Variants in MOB3B observed in about 807,000 individuals in gnomAD.
MOB3B encodes the protein MOB kinase activator-like 2B.
A neutral mutation model predicts 18.7 loss-of-function variants in MOB3B; 7 were observed. The ratio of observed to expected loss-of-function variants is 0.37; its 90% CI spans 0.21 to 0.70. MOB3B has a LOEUF of 0.70. Ranked by LOEUF, MOB3B falls within the 30% of genes least tolerant of loss-of-function variation. The pLI, the probability that MOB3B is intolerant of heterozygous loss-of-function variation, is 0.52. For missense variants in MOB3B, 253 were observed against 281.3 expected (o/e 0.90, Z 0.72); for synonymous variants, 111 against 99.9 (o/e 1.11, Z -0.66).
chr9:27,360,015 G>T (rs1281973095), intron 2 of MOB3B, among the ~76,000 whole-genome samples: 1 of 152,154 alleles, frequency 6.6e-6, no homozygotes, highest in Non-Finnish European at 1.5e-5. Flanking sequence ...TCCCCTTCCA[G>T]CTGTATGACT....
intron 2 of MOB3B, among the ~76,000 whole-genome samples, chr9:27,453,254 A>G (rs1023568462): frequency 1.3e-5 from 2 of 152,202 alleles, no homozygotes; most frequent in African/African-American, 4.8e-5. Context: ...TGGCATATTA[A>G]AAGTCCTGTG....
chr9:27,478,255 C>T (rs535814406), intron 1 of MOB3B, among the ~76,000 whole-genome samples: 1 of 152,112 alleles, frequency 6.6e-6, no homozygotes, highest in Non-Finnish European at 1.5e-5. Flanking sequence ...TCAGAATAAA[C>T]AATTCCTGCT....
intron 1 of MOB3B, among the ~76,000 whole-genome samples, chr9:27,461,590 A>G (rs1819287989): frequency 6.6e-6 from 1 of 152,224 alleles, no homozygotes; most frequent in South Asian, 2.1e-4. Flanking sequence ...AAGTTAGTAC[A>G]AATAGGTGTA....
intron 2 of MOB3B, among the ~76,000 whole-genome samples, chr9:27,441,867 G>A (rs924425283): frequency 6.6e-6 from 1 of 152,096 alleles, no homozygotes; most frequent in African/African-American, 2.4e-5. Context: ...GGATCCCTAA[G>A]GACCCTTTCA....
At chr9:27,377,183 T>A (rs1379654395) in intron 2 of MOB3B, among the ~76,000 whole-genome samples, 2 of 152,224 alleles carry the variant, frequency 1.3e-5, no homozygotes, top group Non-Finnish European at 2.9e-5. Flanking sequence ...ATCAGAGAAC[T>A]ATTACTGTGG....
chr9:27,340,511 G>C (rs1324889786), intron 3 of MOB3B, among the ~76,000 whole-genome samples: 8 of 152,162 alleles, frequency 5.3e-5, no homozygotes, highest in Non-Finnish European at 1.2e-4. Context: ...GTGAAAGCAA[G>C]AGCATTAATC....
At chr9:27,411,313 C>A (rs10738771) in intron 2 of MOB3B, among the ~76,000 whole-genome samples, 1 of 151,980 alleles carries the variant, frequency 6.6e-6, no homozygotes, top group African/African-American at 2.4e-5. Context: ...CTTCATCCCA[C>A]GCAAGGTTCA....
chr9:27,470,109 T>G (rs1209286204), intron 1 of MOB3B, among the ~76,000 whole-genome samples: 1 of 12,076 alleles, frequency 8.3e-5, no homozygotes, highest in Non-Finnish European at 2.0e-4. Context: ...CCCTGTCTCT[T>G]AAAAGAAAAA....
intron 1 of MOB3B, among the ~76,000 whole-genome samples, chr9:27,513,597 G>A (rs1325027160): frequency 2.0e-5 from 3 of 151,784 alleles, no homozygotes; most frequent in Non-Finnish European, 4.4e-5. Flanking sequence ...TAAATATCCC[G>A]AGCTCTTCCC....
intron 2 of MOB3B, among the ~76,000 whole-genome samples, chr9:27,452,470 G>A (rs1332749325): frequency 6.6e-6 from 1 of 152,070 alleles, no homozygotes; most frequent in African/African-American, 2.4e-5. Flanking sequence ...ACTTCTGGGG[G>A]AATGAAAAAT....
intron 1 of MOB3B, among the ~76,000 whole-genome samples, chr9:27,459,013 C>A (rs962622994): frequency 5.5e-5 from 6 of 108,328 alleles, no homozygotes; most frequent in East Asian, 2.1e-4. Flanking sequence ...TCAGGTAGGC[C>A]CCCCCCCATG....
Position 27,455,586 on chromosome 9 carries a change from C to T in MOB3B, c.-36G>A, listed in dbSNP as rs62542376. 9 of 1,611,396 alleles carry T rather than the reference C, an allele frequency of 5.6e-6. No homozygotes were observed. In the African/African-American group the frequency reaches 6.7e-5, roughly 12 times the overall value. ...TTCGCTTCCTTTCTTTTGCAGGAAG[C>T]GAAAAGGCACCTGGAACTTTTCAGG... On this transcript the variant is annotated 5_prime_UTR_variant, in exon 2 of 4. Coordinates refer to ENST00000262244, the MANE Select transcript of MOB3B (RefSeq NM_024761.5).
At chr9:27,438,913 C>T (rs1485231211) in intron 2 of MOB3B, among the ~76,000 whole-genome samples, 1 of 152,122 alleles carries the variant, frequency 6.6e-6, no homozygotes, top group African/African-American at 2.4e-5. Flanking sequence ...CAGGAACCTA[C>T]CACTGACCTT....
intron 3 of MOB3B, among the ~76,000 whole-genome samples, chr9:27,341,175 G>C (rs1042698204): frequency 2.0e-5 from 3 of 152,232 alleles, no homozygotes; most frequent in African/African-American, 4.8e-5. Context: ...TCCAGGTTAG[G>C]TTGCAGGCAC....
Position 27,493,815 on chromosome 9 carries a change from C to A in MOB3B, c.-199+35740G>T, listed in dbSNP as rs1244889651. Reference sequence around the variant, plus strand: ...AAATTGTACAGCATGTGTGTTTGAGCAATACGAAATCTGGGCACCTTGAAA... The same window carrying A: ...AAATTGTACAGCATGTGTGTTTGAGAAATACGAAATCTGGGCACCTTGAAA... On this transcript the variant is annotated intron_variant, in intron 1 of 3. Transcript: ENST00000262244. Among the ~76,000 whole-genome samples, 4 of 151,982 alleles carry A rather than the reference C, an allele frequency of 2.6e-5. No individual in the cohort carries two copies. In the South Asian group the frequency reaches 8.3e-4, roughly 32 times the overall value.
At chr9:27,351,169 T>A (rs199627640) in intron 3 of MOB3B, among the ~76,000 whole-genome samples, 1 of 152,066 alleles carries the variant, frequency 6.6e-6, no homozygotes, top group Non-Finnish European at 1.5e-5. Flanking sequence ...TCCCAAAGTG[T>A]TGGGATTACA....
At chr9:27,359,924 G>C (rs1366775287) in intron 2 of MOB3B, among the ~76,000 whole-genome samples, 1 of 152,160 alleles carries the variant, frequency 6.6e-6, no homozygotes, top group African/African-American at 2.4e-5. Flanking sequence ...AAGCTGTTTT[G>C]TTATTTGCAC....
intron 2 of MOB3B, among the ~76,000 whole-genome samples, chr9:27,439,903 G>C (rs1822567530): frequency 6.6e-6 from 1 of 152,116 alleles, no homozygotes. Flanking sequence ...GGGAAAACAG[G>C]CAAAAGGCTG....
Position 27,372,606 on chromosome 9 carries a change from C to T in MOB3B, c.419-13370G>A, listed in dbSNP as rs545481253. ...AGAATATGGCTTTGATACGATAAGTCGCTTCACTTCTGTGGTCTCCCTCCC... is the reference window on the plus strand; with the variant it reads ...AGAATATGGCTTTGATACGATAAGTTGCTTCACTTCTGTGGTCTCCCTCCC... On this transcript the variant is annotated intron_variant, in intron 2 of 3. Transcript: ENST00000262244. 1.8e-4 allele frequency among the ~76,000 whole-genome samples: 28 copies of T among 152,262 alleles called. No individual in the cohort carries two copies. In the South Asian group the frequency reaches 4.4e-3, roughly 24 times the overall value.
Sources: gnomAD v4.1 joint callset for allele counts (sites outside exome capture counted in the v4.1 genomes callset) on GRCh38, gnomAD v4.1.1 for gene constraint, MANE v1.5 for transcripts, NCBI Gene and HGNC (gene_info 2026-07-23, HGNC 2026-07-21) for gene names.